Variants in FTO observed in about 807,000 individuals in gnomAD.
The protein encoded by FTO is alpha-ketoglutarate-dependent dioxygenase FTO.
FTO carries 47 observed loss-of-function variants against 63.9 expected under a neutral mutation model. The observed-to-expected ratio is 0.74, with a 90% CI of 0.58 to 0.94. FTO has a LOEUF of 0.94. FTO is among the 40% of genes least tolerant of loss of function. The pLI, the probability that FTO is intolerant of heterozygous loss-of-function variation, is 0.00. For synonymous variants in FTO, 207 were observed against 224.4 expected, an observed-to-expected ratio of 0.92 and a Z score of 0.69; for missense variants, 562 against 618.1, an observed-to-expected ratio of 0.91 and a Z score of 0.96.
intron 1 of FTO, among the ~76,000 whole-genome samples, chr16:53,718,607 A>C (rs1189479682): frequency 6.6e-6 from 1 of 151,992 alleles, no homozygotes; most frequent in East Asian, 1.9e-4. Flanking sequence ...TCGGGATTCT[A>C]GTATTAAGTA....
At chr16:53,886,815 AAC>A (rs2081010086) in intron 6 of FTO, 1 of 152,218 alleles carries the variant, frequency 6.6e-6, no homozygotes, top group African/African-American at 2.4e-5. Flanking sequence ...AATATGGATA[AAC>A]ACACAAAAAA....
chr16:53,941,431 A>T (rs1395425686), intron 8 of FTO, among the ~76,000 whole-genome samples: 2 of 152,210 alleles, frequency 1.3e-5, no homozygotes, highest in African/African-American at 2.4e-5. Context: ...ATAGAAGCTT[A>T]AAAAATGAAG....
intron 8 of FTO, chr16:53,956,661 T>TC (rs1289580857): frequency 4.8e-5 from 7 of 146,360 alleles, no homozygotes; most frequent in South Asian, 2.2e-4. Flanking sequence ...CTTTTTTTTT[T>TC]TTCTTCTTTT....
At chr16:53,818,594 T>C (rs1227610747) in intron 2 of FTO, among the ~76,000 whole-genome samples, 1 of 152,070 alleles carries the variant, frequency 6.6e-6, no homozygotes, top group East Asian at 1.9e-4. Context: ...ATCAAAATGA[T>C]GCTCAAGTAC....
Position 53,914,877 on chromosome 16 carries a change from A to C in FTO, c.1240-19108A>C, listed in dbSNP as rs1000386267. On this transcript the variant is annotated intron_variant, in intron 7 of 8. Coordinates refer to ENST00000471389, the MANE Select transcript of FTO (RefSeq NM_001080432.3). ...GTCAAGAACCTTTCCACTGAGCACA[A>C]GCGCACCATACTTGAAGGTCAAATG... is the stretch of plus-strand genomic sequence containing the variant. Among the ~76,000 whole-genome samples, 23 of 152,328 alleles carry C rather than the reference A, an allele frequency of 1.5e-4. No individual in the cohort carries two copies. In the Middle Eastern group the frequency reaches 0.017, roughly 113 times the overall value.
chr16:53,866,173 G>A (rs1204887951), intron 4 of FTO, among the ~76,000 whole-genome samples: 2 of 151,858 alleles, frequency 1.3e-5, no homozygotes, highest in East Asian at 3.8e-4. Context: ...TTTCTTTGTA[G>A]CTTGTTGGTG....
At chr16:53,880,713 G>C (rs2080799463) in intron 6 of FTO, among the ~76,000 whole-genome samples, 1 of 152,072 alleles carries the variant, frequency 6.6e-6, no homozygotes, top group Non-Finnish European at 1.5e-5. Context: ...GGCTACTAAA[G>C]TCTTTTATGA....
chr16:54,019,347 A>G (rs2084533662), intron 8 of FTO, among the ~76,000 whole-genome samples: 1 of 152,208 alleles, frequency 6.6e-6, no homozygotes, highest in Admixed American at 6.5e-5. Context: ...TTAACAAGGA[A>G]GAAGGTGGGA....
intron 7 of FTO, among the ~76,000 whole-genome samples, chr16:53,926,853 T>TA (rs112470627): frequency 0.012 from 1,801 of 148,684 alleles, 10 homozygotes; most frequent in African/African-American, 0.017. Context: ...AATTTGGATT[T>TA]AAAAAAAAAA....
chr16:53,729,311 A>G (rs2076219170), intron 1 of FTO, among the ~76,000 whole-genome samples: 2 of 151,702 alleles, frequency 1.3e-5, no homozygotes, highest in South Asian at 4.2e-4. Flanking sequence ...GGCAGATCAC[A>G]AGGTCAGGAG....
intron 1 of FTO, among the ~76,000 whole-genome samples, chr16:53,707,637 T>G (rs925431978): frequency 6.6e-6 from 1 of 152,334 alleles, no homozygotes; most frequent in Admixed American, 6.5e-5. Context: ...ACCATTCTAG[T>G]AGGTGTGCAG....
intron 1 of FTO, among the ~76,000 whole-genome samples, chr16:53,744,120 C>T (rs1400747718): frequency 6.6e-6 from 1 of 152,162 alleles, no homozygotes; most frequent in Non-Finnish European, 1.5e-5. Context: ...AAATTGTATA[C>T]ACTCAGGGAT....
intron 7 of FTO, chr16:53,911,308 G>C (rs1212460703): frequency 4.3e-6 from 3 of 696,600 alleles, no homozygotes; most frequent in African/African-American, 1.7e-5. Context: ...AAGGACAGGC[G>C]CAGAACAGTC....
intron 1 of FTO, among the ~76,000 whole-genome samples, chr16:53,808,010 G>C (rs1789526872): frequency 2.0e-5 from 3 of 152,040 alleles, no homozygotes; most frequent in Admixed American, 2.0e-4. Context: ...AACTATAAAA[G>C]TATCATAATT....
intron 5 of FTO, among the ~76,000 whole-genome samples, chr16:53,877,087 A>T (rs955549131): frequency 3.3e-5 from 5 of 152,252 alleles, no homozygotes; most frequent in Non-Finnish European, 7.3e-5. Context: ...AGTGTTGGTG[A>T]GGACATGCAG....
intron 8 of FTO, among the ~76,000 whole-genome samples, chr16:54,062,029 A>G (rs1033295159): frequency 1.3e-5 from 2 of 152,226 alleles, no homozygotes; most frequent in African/African-American, 4.8e-5. Flanking sequence ...AAGGAAAAGC[A>G]GAAACCTTCC....
intron 8 of FTO, among the ~76,000 whole-genome samples, chr16:54,018,130 G>T (rs75057704): frequency 1.3e-5 from 2 of 151,836 alleles, no homozygotes; most frequent in East Asian, 1.9e-4. Flanking sequence ...TAATGGATGC[G>T]TAATACTCTA....
At chr16:54,026,937 T>A (rs2084726830) in intron 8 of FTO, among the ~76,000 whole-genome samples, 1 of 152,198 alleles carries the variant, frequency 6.6e-6, no homozygotes, top group Non-Finnish European at 1.5e-5. Context: ...ATATATTGAT[T>A]TTCCTAGAAT....
chr16:53,936,248 A>C (rs1157009978), intron 8 of FTO, among the ~76,000 whole-genome samples: 1 of 152,248 alleles, frequency 6.6e-6, no homozygotes, highest in East Asian at 1.9e-4. Flanking sequence ...AGAGCTTAAC[A>C]GCTGACACTG....
Sources: gnomAD v4.1 joint callset for allele counts (sites outside exome capture counted in the v4.1 genomes callset) on GRCh38, gnomAD v4.1.1 for gene constraint, MANE v1.5 for transcripts, NCBI Gene and HGNC (gene_info 2026-07-23, HGNC 2026-07-21) for gene names.